PRKDC: variants seen among roughly 807,000 people sequenced by gnomAD.
PRKDC encodes the protein protein kinase, DNA-activated, catalytic subunit, also known as DNA-dependent protein kinase catalytic subunit.
In PRKDC, 82 loss-of-function variants were observed where a neutral mutation model predicts 486.9. The observed-to-expected ratio is 0.17, with a 90% CI of 0.14 to 0.20. PRKDC has a LOEUF of 0.20. Among genes scored for constraint, PRKDC ranks in the 10% least tolerant of loss-of-function variants. PRKDC has a pLI of 1.00. For synonymous variants in PRKDC, 1,895 were observed against 1,837.0 expected (o/e 1.03, Z -0.81); for missense variants, 4,504 against 5,038.2 (o/e 0.89, Z 3.21).
At chr8:47,876,672 A>G (rs1266968237) in intron 40 of PRKDC, among the ~76,000 whole-genome samples, 2 of 152,164 alleles carry the variant, frequency 1.3e-5, no homozygotes, top group East Asian at 3.8e-4. Context: ...AAAAAAAAAA[A>G]AAATCAACAA....
At chr8:47,792,081 G>A (rs1589698438) in intron 74 of PRKDC, among the ~76,000 whole-genome samples, 1 of 152,186 alleles carries the variant, frequency 6.6e-6, no homozygotes, top group African/African-American at 2.4e-5. Flanking sequence ...TGTGAAATAA[G>A]TCAGGCACAG....
intron 60 of PRKDC, 82 bp downstream of exon 60, chr8:47,831,732 C>T: frequency 6.9e-7 from 1 of 1,449,762 alleles, no homozygotes; most frequent in Non-Finnish European, 9.7e-7. Context: ...GAGGCAGTGT[C>T]TGGCAGGAAG....
Position 47,903,119 on chromosome 8 carries a change from T to G in PRKDC, c.3043-324A>C, listed in dbSNP as rs8178069. ...GAAAAAAAAGAAAATGGCTATATCC[T>G]AAGAATTCCAGAGGAATTTTGATTG... is the stretch of plus-strand genomic sequence containing the variant. On this transcript the variant is annotated intron_variant, in intron 26 of 85. Coordinates refer to ENST00000314191, the MANE Select transcript of PRKDC (RefSeq NM_006904.7). 3.8e-3 allele frequency among the ~76,000 whole-genome samples: 583 copies of G among 152,334 alleles called. 4 individuals carry two copies. Among genetic ancestry groups the G allele is most frequent in the South Asian group, 0.025 (120 of 4,830 alleles).
intron 76 of PRKDC, 96 bp downstream of exon 76, chr8:47,788,810 A>G: frequency 8.5e-7 from 1 of 1,173,428 alleles, no homozygotes; most frequent in Non-Finnish European, 1.1e-6. Context: ...TAAATTAATG[A>G]TTACATTTAA....
rs997508443 is a variant in PRKDC, at chr8:47,888,438, T to C, written c.4413+80A>G. Reference sequence around the variant, plus strand: ...TCAGCATGCTCAATACATAAAGGACTTTTAAGAAATAATATAAATAAATAC... The same window carrying C: ...TCAGCATGCTCAATACATAAAGGACCTTTAAGAAATAATATAAATAAATAC... On this transcript the variant is annotated intron_variant, in intron 34 of 85. Coordinates refer to ENST00000314191, the MANE Select transcript of PRKDC (RefSeq NM_006904.7). 3.1e-6 allele frequency: 4 copies of C among 1,291,140 alleles called. No homozygotes were observed. The South Asian group carries it at 6.5e-5, about 21-fold the overall frequency. 80.0% of individuals were successfully genotyped at this position (1,291,140 alleles called of 1,614,324 possible).
chr8:47,840,067 G>T lies in PRKDC; in HGVS notation c.7403C>A (p.Thr2468Lys), dbSNP rs2088107501. The change falls in exon 55 of 86, where the codon ACA becomes AAA. Residue 2468 changes from threonine to lysine, a missense_variant. Thr to Lys is a moderately conservative substitution (Grantham distance 78). This residue lies in a region of PRKDC where 1,592 missense variants were observed against 1,724.6 expected (regional missense o/e 0.92). Coordinates refer to ENST00000314191, the MANE Select transcript of PRKDC (RefSeq NM_006904.7). ...AATATTATACATTTGTTCCCTACAT[G>T]TTGTAGAAGGATGGGAAACGAATTC... Reference protein sequence around the residue: ...VVEFVSHPSTTCREQMYNILM... With the variant: ...VVEFVSHPSTKCREQMYNILM... 2 of 1,562,154 alleles carry T rather than the reference G, an allele frequency of 1.3e-6. No homozygotes were observed. The highest frequency in any genetic ancestry group is 2.7e-5 in the African/African-American group (2 of 74,010).
At position 47,782,670 on chromosome 8, in the gene PRKDC, G is replaced by A; in HGVS notation, c.11176-72C>T. On this transcript the variant is annotated intron_variant, in intron 78 of 85. Coordinates refer to ENST00000314191, the MANE Select transcript of PRKDC (RefSeq NM_006904.7). This position sits in a 1 kb window ranked among gnomAD's most constrained non-coding sequence, Gnocchi z 4.9. Reference sequence around the variant, plus strand: ...CAAACTCAGAGGGAAAAGCCAGAGTGGCTGTGAGCATTCCTCCGTGGGGCC... The same window carrying A: ...CAAACTCAGAGGGAAAAGCCAGAGTAGCTGTGAGCATTCCTCCGTGGGGCC... 6.7e-7 allele frequency: 1 copy of A among 1,490,928 alleles called. No individual in the cohort carries two copies. The highest frequency in any genetic ancestry group is 1.2e-5 in the South Asian group (1 of 81,128). 92.4% of individuals were successfully genotyped at this position (1,490,928 alleles called of 1,614,324 possible). A position where few individuals can be genotyped will look rare whatever the true frequency, so the allele number is the denominator to read the frequency against.
intron 13 of PRKDC, among the ~76,000 whole-genome samples, chr8:47,935,373 G>A (rs974367804): frequency 2.0e-5 from 3 of 151,900 alleles, no homozygotes; most frequent in South Asian, 2.1e-4. Context: ...GGTGGCGGGC[G>A]CCTGTAGTCC....
At chr8:47,910,042 T>C (rs1250696988) in intron 25 of PRKDC, among the ~76,000 whole-genome samples, 1 of 152,182 alleles carries the variant, frequency 6.6e-6, no homozygotes, top group Non-Finnish European at 1.5e-5. Context: ...AAATCCCTAA[T>C]AAAAATCTGC....
At chr8:47,935,571 A>G (rs977960197) in intron 13 of PRKDC, among the ~76,000 whole-genome samples, 161 bp downstream of exon 13, 2 of 152,114 alleles carry the variant, frequency 1.3e-5, no homozygotes, top group African/African-American at 2.4e-5. Context: ...CAGAGGTAAT[A>G]GGATGAAAAA....
At chr8:47,864,791 A>T in intron 40 of PRKDC, 28 bp from the exon 41 acceptor site, 1 of 1,512,078 alleles carries the variant, frequency 6.6e-7, no homozygotes, top group Non-Finnish European at 8.9e-7. Flanking sequence ...AATTATATGA[A>T]CATCCCTGCT....
In PRKDC at chr8:47,863,489, T is replaced by G. The variant is rs1177689021; in HGVS notation, c.5660A>C (p.Asp1887Ala). ...TTTTGATTCCTTAGCATGAACATCA[T>G]CTTTGGGAAGGCGAGAATACATCAC... is the stretch of plus-strand genomic sequence containing the variant. ...LDVMYSRLPK[D>A]DVHAKESKIN... Residue 1887 changes from aspartate (D) to alanine (A), a missense_variant, in exon 42 of 86, where the codon GAT (aspartate) becomes GCT (alanine). Around this residue, in one of 6 missense-constraint regions of PRKDC, gnomAD observed 80 missense variants for 132.3 expected, o/e 0.60. Coordinates refer to ENST00000314191, the MANE Select transcript of PRKDC (RefSeq NM_006904.7). 2 of 1,612,530 alleles carry G rather than the reference T, an allele frequency of 1.2e-6. No homozygotes were observed. The highest frequency in any genetic ancestry group is 1.7e-6 in the Non-Finnish European group (2 of 1,178,946).
chr8:47,911,760 TTTTA>T (rs534550305), intron 25 of PRKDC, among the ~76,000 whole-genome samples: 140 of 152,028 alleles, frequency 9.2e-4, no homozygotes, highest in Non-Finnish European at 1.5e-3. Context: ...CATAGCTATT[TTTTA>T]TTTATTTATT....
chr8:47,781,329 G>A (rs546573988), intron 80 of PRKDC, among the ~76,000 whole-genome samples: 2 of 152,306 alleles, frequency 1.3e-5, no homozygotes, highest in African/African-American at 4.8e-5. Context: ...ACACTGCCCT[G>A]TAGAGTAATT....
chr8:47,790,743 C>T (rs116848774), intron 74 of PRKDC, among the ~76,000 whole-genome samples: 2,314 of 152,220 alleles, frequency 0.015, 19 homozygotes, highest in Middle Eastern at 0.024. Flanking sequence ...GAATAGAGAA[C>T]CCAGAAATAA....
Position 47,837,284 on chromosome 8 carries a change from G to A in PRKDC, c.7689C>T (p.Leu2563=), listed in dbSNP as rs775713271. 9.3e-6 allele frequency: 15 copies of A among 1,613,684 alleles called. No homozygotes were observed. The highest frequency in any genetic ancestry group is 4.5e-5 in the East Asian group (2 of 44,894). ...HFLSLATNFL[L]EMTSMSPDYP... is the part of the protein sequence containing the mutation. ...AATCTGGGCTCATGCTGGTCATTTCGAGCAGAAAATTTGTTGCTAAACTTA... is the reference window on the plus strand; with the variant it reads ...AATCTGGGCTCATGCTGGTCATTTCAAGCAGAAAATTTGTTGCTAAACTTA... Residue 2563 remains leucine (L), a synonymous_variant, in exon 57 of 86, where the codon CTC becomes CTT. Coordinates refer to ENST00000314191, the MANE Select transcript of PRKDC (RefSeq NM_006904.7).
chr8:47,796,338 A>AAAAAAAT (rs2086984919), intron 73 of PRKDC, among the ~76,000 whole-genome samples: 1 of 151,942 alleles, frequency 6.6e-6, no homozygotes, highest in Non-Finnish European at 1.5e-5. Context: ...CTCCGTCACC[A>AAAAAAAT]AAAAAATAAA....
At chr8:47,956,495 G>C (rs1336726022) in intron 3 of PRKDC, among the ~76,000 whole-genome samples, 3 of 148,318 alleles carry the variant, frequency 2.0e-5, no homozygotes, top group South Asian at 4.3e-4. Context: ...AGGAGTTCAA[G>C]ACCAGCCTAG....
At position 47,881,658 on chromosome 8, in the gene PRKDC, T is replaced by C. The variant is rs1003263145; in HGVS notation, c.4963-138A>G. 8.1e-6 allele frequency: 5 copies of C among 617,448 alleles called. No homozygotes were observed. In the East Asian group the frequency reaches 1.2e-4, roughly 14 times the overall value. 38.2% of individuals were successfully genotyped at this position (617,448 alleles called of 1,614,324 possible). A position where few individuals can be genotyped will look rare whatever the true frequency, so the allele number is the denominator to read the frequency against. On this transcript the variant is annotated intron_variant, in intron 37 of 85. Transcript: ENST00000314191. ...CTTCAATAATATTTTCACAATCTTA[T>C]TGTAAAACATTGTAATACTATCTGT... is the stretch of plus-strand genomic sequence containing the variant.
Sources: gnomAD v4.1 joint callset for allele counts (sites outside exome capture counted in the v4.1 genomes callset) on GRCh38, gnomAD v4.1.1 for gene constraint, gnomAD v4.1.1 regional missense constraint, Gnocchi (gnomAD v3.1) non-coding constraint, MANE v1.5 for transcripts, NCBI Gene and HGNC (gene_info 2026-07-23, HGNC 2026-07-21) for gene names.